The following GALNTL5 variants were observed in gnomAD, a reference collection of about 807,000 sequenced individuals.
GALNTL5 encodes the protein inactive polypeptide N-acetylgalactosaminyltransferase-like protein 5.
GALNTL5 carries 44 observed loss-of-function variants against 51.0 expected under a neutral mutation model. That is an observed-to-expected ratio of 0.86 (90% CI 0.68 to 1.11). GALNTL5 has a LOEUF of 1.11. GALNTL5 is among the 50% of genes least tolerant of loss of function. The pLI is 0.00. For missense variants in GALNTL5, 528 were observed against 531.8 expected, an observed-to-expected ratio of 0.99 and a Z score of 0.07; for synonymous variants, 192 against 182.8, an observed-to-expected ratio of 1.05 and a Z score of -0.41.
At chr7:151,963,265 C>G (rs2081014526) in intron 1 of GALNTL5, among the ~76,000 whole-genome samples, 1 of 152,212 alleles carries the variant, frequency 6.6e-6, no homozygotes, top group African/African-American at 2.4e-5. Flanking sequence ...CTTTGTGGAA[C>G]TCATTACTGG....
intron 2 of GALNTL5, among the ~76,000 whole-genome samples, chr7:151,968,133 A>G (rs1415345338): frequency 6.6e-6 from 1 of 151,936 alleles, no homozygotes; most frequent in Admixed American, 6.6e-5. Context: ...CCACCTCAAC[A>G]AAAATAGTAA....
At position 151,956,895 on chromosome 7, in the gene GALNTL5, G is replaced by A. The variant is rs565771508; in HGVS notation, c.-40+286G>A. Among the ~76,000 whole-genome samples the A allele has an allele frequency of 1.2e-3, 182 of 152,116 alleles. 1 individual carries two copies. Among genetic ancestry groups the A allele is most frequent in the Middle Eastern group, 6.8e-3 (2 of 292 alleles). On this transcript the variant is annotated intron_variant, in intron 1 of 8. Transcript: ENST00000392800. ...TTTATGCTGGTAATGTTTATACAGT[G>A]ACTGTATTACTTATTTGAAAAAAAT... is the stretch of plus-strand genomic sequence containing the variant.
intron 4 of GALNTL5, among the ~76,000 whole-genome samples, chr7:151,984,880 G>A (rs1341036295): frequency 2.6e-5 from 4 of 152,118 alleles, no homozygotes; most frequent in Non-Finnish European, 4.4e-5. Flanking sequence ...ACCAGGGGAC[G>A]GATACCTCCC....
At chr7:151,993,623 T>C (rs1350604064) in intron 5 of GALNTL5, among the ~76,000 whole-genome samples, 2 of 152,184 alleles carry the variant, frequency 1.3e-5, no homozygotes, top group African/African-American at 2.4e-5. Context: ...GTGTATTTTA[T>C]ACTTTTTTTC....
At chr7:151,982,561 C>A (rs976533237) in intron 3 of GALNTL5, among the ~76,000 whole-genome samples, 1 of 151,220 alleles carries the variant, frequency 6.6e-6, no homozygotes, top group Non-Finnish European at 1.5e-5. Context: ...GAAGACAGCA[C>A]AATAAAGTTA....
chr7:151,995,463 C>T (rs1272835800), intron 5 of GALNTL5: 2 of 131,260 alleles, frequency 1.5e-5, no homozygotes, highest in African/African-American at 5.7e-5. Flanking sequence ...TGATGAAATG[C>T]TAGTGTTGCT....
At chr7:152,004,798 G>A (rs1586847804) in intron 6 of GALNTL5, among the ~76,000 whole-genome samples, 1 of 152,206 alleles carries the variant, frequency 6.6e-6, no homozygotes, top group Middle Eastern at 3.4e-3. Context: ...CTTTTTTATG[G>A]CTGAATAGTA....
At chr7:152,005,033 G>GTT (rs950732040) in intron 6 of GALNTL5, among the ~76,000 whole-genome samples, 16 of 152,174 alleles carry the variant, frequency 1.1e-4, no homozygotes, top group Non-Finnish European at 1.5e-4. Context: ...TCTCTGTATT[G>GTT]TTTTCCACAG....
intron 6 of GALNTL5, among the ~76,000 whole-genome samples, chr7:152,007,075 T>C (rs1294288479): frequency 6.6e-6 from 1 of 152,142 alleles, no homozygotes; most frequent in Non-Finnish European, 1.5e-5. Context: ...CTGTGACTAT[T>C]TTCAAACTAC....
At chr7:152,000,808 A>G (rs2081566682) in intron 5 of GALNTL5, among the ~76,000 whole-genome samples, 1 of 152,128 alleles carries the variant, frequency 6.6e-6, no homozygotes, top group African/African-American at 2.4e-5. Context: ...ATATTCTCAT[A>G]CAAGTCCTTT....
intron 1 of GALNTL5, among the ~76,000 whole-genome samples, chr7:151,962,004 CT>C (rs5888458): frequency 7.4e-4 from 98 of 131,700 alleles, no homozygotes; most frequent in Admixed American, 1.4e-3. Flanking sequence ...TAGTTACCTT[CT>C]TTTTTTTTTT....
intron 1 of GALNTL5, among the ~76,000 whole-genome samples, chr7:151,962,906 G>A (rs1273856726): frequency 6.6e-6 from 1 of 152,106 alleles, no homozygotes; most frequent in Non-Finnish European, 1.5e-5. Context: ...ACCATGCCCG[G>A]CCCATGTCTT....
At chr7:151,968,569 C>A (rs1449661760) in intron 2 of GALNTL5, among the ~76,000 whole-genome samples, 12 of 152,198 alleles carry the variant, frequency 7.9e-5, no homozygotes, top group Non-Finnish European at 1.5e-5. Context: ...CTAATTCTGG[C>A]TCTCAGTCTT....
chr7:151,994,915 C>G (rs2081477835), intron 5 of GALNTL5: 3 of 152,274 alleles, frequency 2.0e-5, no homozygotes, highest in African/African-American at 4.8e-5. Context: ...TACCACCACG[C>G]CCGGCTAATT....
intron 7 of GALNTL5, among the ~76,000 whole-genome samples, chr7:152,013,742 G>GA (rs1187383546): frequency 9.2e-5 from 14 of 151,820 alleles, no homozygotes; most frequent in East Asian, 1.9e-4. Context: ...AACATCAAAT[G>GA]AAAAAAAATC....
intron 5 of GALNTL5, among the ~76,000 whole-genome samples, chr7:151,989,257 C>T (rs775343046): frequency 8.6e-5 from 13 of 151,592 alleles, no homozygotes; most frequent in Non-Finnish European, 1.5e-4. Flanking sequence ...TTAAGTGATT[C>T]TCCTGCCTCA....
chr7:151,992,705 A>G (rs971420849), intron 5 of GALNTL5, among the ~76,000 whole-genome samples: 7 of 152,148 alleles, frequency 4.6e-5, no homozygotes, highest in Non-Finnish European at 1.0e-4. Context: ...CTGGGTTAGG[A>G]CTTGAAAATA....
At chr7:152,015,947 G>A (rs1438063507) in intron 8 of GALNTL5, among the ~76,000 whole-genome samples, 1 of 152,128 alleles carries the variant, frequency 6.6e-6, no homozygotes, top group Non-Finnish European at 1.5e-5. Context: ...GAATCTCTCT[G>A]ACAGTGTATG....
At chr7:151,966,820 T>A in intron 1 of GALNTL5, among the ~76,000 whole-genome samples, 1 of 152,190 alleles carries the variant, frequency 6.6e-6, no homozygotes. Context: ...AGCATGTGAT[T>A]GTGTGTTTTT....
Sources: gnomAD v4.1 joint callset for allele counts (sites outside exome capture counted in the v4.1 genomes callset) on GRCh38, gnomAD v4.1.1 for gene constraint, MANE v1.5 for transcripts, NCBI Gene and HGNC (gene_info 2026-07-23, HGNC 2026-07-21) for gene names.